SNRK: variants seen among roughly 807,000 people sequenced by gnomAD.
SNRK encodes SNF-related serine/threonine-protein kinase.
A neutral mutation model predicts 48.2 loss-of-function variants in SNRK; 3 were observed. The ratio of observed to expected loss-of-function variants is 0.06; its 90% CI spans 0.03 to 0.16. The LOEUF (loss-of-function observed/expected upper bound fraction) is 0.16, where lower values mean the gene tolerates loss of function less well. Ranked by LOEUF, SNRK falls within the 10% of genes least tolerant of loss-of-function variation. SNRK has a pLI of 1.00. For missense variants in SNRK, 627 were observed against 976.0 expected (o/e 0.64, Z 4.76); for synonymous variants, 376 against 366.1 (o/e 1.03, Z -0.31).
intron 1 of SNRK, among the ~76,000 whole-genome samples, chr3:43,289,313 G>A (rs1218890255): frequency 1.3e-5 from 2 of 152,174 alleles, no homozygotes; most frequent in Non-Finnish European, 2.9e-5. Context: ...ACAAGGTCAA[G>A]TGGTGGGTGG....
chr3:43,288,149 G>A (rs1268667018), intron 1 of SNRK, among the ~76,000 whole-genome samples: 5 of 152,184 alleles, frequency 3.3e-5, no homozygotes, highest in Non-Finnish European at 7.4e-5. Flanking sequence ...TTGAAGCAGT[G>A]TAGAAAGTCA....
chr3:43,336,195 TTTTC>T (rs1040226806), intron 4 of SNRK, among the ~76,000 whole-genome samples: 20 of 151,926 alleles, frequency 1.3e-4, no homozygotes, highest in African/African-American at 3.9e-4. Context: ...TTCTTTCTCT[TTTTC>T]TTTCTTTCTT....
chr3:43,335,467 T>G (rs1463355712), intron 4 of SNRK, among the ~76,000 whole-genome samples: 1 of 152,182 alleles, frequency 6.6e-6, no homozygotes, highest in Non-Finnish European at 1.5e-5. Context: ...GTTTTTGTTT[T>G]TTTGTTTTTT....
chr3:43,311,268 C>T (rs574725496), intron 3 of SNRK, among the ~76,000 whole-genome samples: 2 of 152,106 alleles, frequency 1.3e-5, no homozygotes, highest in South Asian at 4.1e-4. Context: ...CTCAGTTAAT[C>T]CTTCTAATGG....
Position 43,303,476 on chromosome 3 carries a change from T to A in SNRK, c.273T>A (p.Ile91=). Reference sequence around the variant, plus strand: ...ACACCCAGACCAAACTATATCTTATTCTAGAACTTGGGGATGGAGGAGATA... The same window carrying A: ...ACACCCAGACCAAACTATATCTTATACTAGAACTTGGGGATGGAGGAGATA... ...VIDTQTKLYL[I]LELGDGGDMF... The change falls in exon 3 of 7, where the codon ATT becomes ATA. Residue 91 remains isoleucine, a synonymous_variant. Coordinates refer to ENST00000296088, the MANE Select transcript of SNRK (RefSeq NM_017719.5). This position sits in a 1 kb window ranked among gnomAD's most constrained non-coding sequence, Gnocchi z 6.2. 1 of 1,614,156 alleles carries A rather than the reference T, an allele frequency of 6.2e-7. No individual in the cohort carries two copies. The highest frequency in any genetic ancestry group is 8.5e-7 in the Non-Finnish European group (1 of 1,180,026).
intron 3 of SNRK, among the ~76,000 whole-genome samples, chr3:43,325,703 T>G (rs1034577550): frequency 6.6e-6 from 1 of 152,188 alleles, no homozygotes; most frequent in Non-Finnish European, 1.5e-5. Flanking sequence ...GCCTAAAAAT[T>G]GCATTGCATT....
At chr3:43,304,893 T>TAA (rs1451627569) in intron 3 of SNRK, among the ~76,000 whole-genome samples, 4 of 152,104 alleles carry the variant, frequency 2.6e-5, no homozygotes, top group African/African-American at 9.7e-5. Context: ...TACAGATAAC[T>TAA]AGACTTCACT....
chr3:43,326,854 G>A (rs192412940), intron 3 of SNRK, among the ~76,000 whole-genome samples: 356 of 152,324 alleles, frequency 2.3e-3, no homozygotes, highest in Middle Eastern at 6.8e-3. Flanking sequence ...GTGTTTTAAA[G>A]TAGGTATCAG....
At chr3:43,291,080 C>T (rs557946530) in intron 1 of SNRK, among the ~76,000 whole-genome samples, 68 of 152,118 alleles carry the variant, frequency 4.5e-4, no homozygotes, top group African/African-American at 1.6e-3. Flanking sequence ...TAAGCTGGGC[C>T]CTAGAGCATG....
rs2090878502 is a variant in SNRK, at chr3:43,299,006, C to T, written c.-168-748C>T. Among the ~76,000 whole-genome samples, 3 of 152,122 alleles carry T rather than the reference C, an allele frequency of 2.0e-5. No homozygotes were observed. In the South Asian group the frequency reaches 6.2e-4, roughly 32 times the overall value. On this transcript the variant is annotated intron_variant, in intron 1 of 6. Coordinates refer to ENST00000296088, the MANE Select transcript of SNRK (RefSeq NM_017719.5). ...ATGAGCCTTTAGGGGCTCCTAGAGA[C>T]TGGGTGGTTTTGGTGCCAGGCTGAG... is the stretch of plus-strand genomic sequence containing the variant.
chr3:43,323,965 T>C (rs1222929730), intron 3 of SNRK, among the ~76,000 whole-genome samples: 1 of 152,134 alleles, frequency 6.6e-6, no homozygotes, highest in Non-Finnish European at 1.5e-5. Context: ...AAGGAAATTT[T>C]GGGGTAACAC....
At position 43,347,401 on chromosome 3, in the gene SNRK, C is replaced by G. The variant is rs369083124; in HGVS notation, c.1142C>G (p.Pro381Arg). 6.2e-7 allele frequency: 1 copy of G among 1,612,926 alleles called. No individual in the cohort carries two copies. ...CTTGAGGATGACCTCACGGCCACTC[C>G]TTTGTCCCACGCGACTGTCCCTCAG... ...QDLEDDLTAT[P>R]LSHATVPQSP... Residue 381 changes from proline (P) to arginine (R), a missense_variant, in exon 7 of 7, where the codon CCT becomes CGT. This residue lies in a region of SNRK where 175 missense variants were observed against 209.7 expected (regional missense o/e 0.83). Transcript: ENST00000296088. The surrounding 1 kb of genome is among the most constrained non-coding windows in gnomAD (Gnocchi z 5.4).
At position 43,340,349 on chromosome 3, in the gene SNRK, A is replaced by G; in HGVS notation, c.794A>G (p.Asn265Ser). The G allele has an allele frequency of 1.2e-6, 2 of 1,614,190 alleles. No homozygotes were observed. The highest frequency in any genetic ancestry group is 1.7e-6 in the Non-Finnish European group (2 of 1,180,028). Residue 265 changes from asparagine to serine, a missense_variant, in exon 5 of 7, where the codon AAT becomes AGT. By Grantham distance (46) the Asn-to-Ser change is conservative. Coordinates refer to ENST00000296088, the MANE Select transcript of SNRK (RefSeq NM_017719.5). ...AGGGCTTCTTTAGAAGAGATTGAAA[A>G]TCATCCTTGGCTTCAGGGAGTGGAC... ...KRRASLEEIENHPWLQGVDPS... is the reference protein window; with the variant it reads ...KRRASLEEIESHPWLQGVDPS...
At chr3:43,323,853 C>T (rs2091073841) in intron 3 of SNRK, among the ~76,000 whole-genome samples, 1 of 152,154 alleles carries the variant, frequency 6.6e-6, no homozygotes, top group African/African-American at 2.4e-5. Flanking sequence ...ACAGAGACTA[C>T]GTACTCTGTG....
intron 6 of SNRK, among the ~76,000 whole-genome samples, chr3:43,344,730 A>T (rs1427267116): frequency 6.6e-6 from 1 of 152,108 alleles, no homozygotes; most frequent in Non-Finnish European, 1.5e-5. Context: ...GGAGTGAGGA[A>T]ATTCTTGGGG....
In SNRK at chr3:43,343,441, A is replaced by C. The variant is rs199515297; in HGVS notation, c.1042A>C (p.Arg348=). ...REKQEKEIQT[R]SASPSNIKAQ... The stretch of plus-strand genomic sequence containing the variant: ...AAAGCAAGAGAAAGAAATACAGACC[A>C]GATCTGCAAGCCCGAGCAATATCAA... The change falls in exon 6 of 7, where the codon AGA becomes CGA. Residue 348 remains arginine, a synonymous_variant. Transcript: ENST00000296088. The C allele has an allele frequency of 1.2e-4, 200 of 1,614,032 alleles. No homozygotes were observed. The highest frequency in any genetic ancestry group is 1.6e-4 in the Non-Finnish European group (194 of 1,180,018).
chr3:43,295,618 ACT>A (rs2090846515), intron 1 of SNRK, among the ~76,000 whole-genome samples: 1 of 151,162 alleles, frequency 6.6e-6, no homozygotes, highest in South Asian at 2.1e-4. Flanking sequence ...CCAGTGAAAA[ACT>A]CTGAATTCTT....
chr3:43,333,805 C>A (rs978092341), intron 4 of SNRK, among the ~76,000 whole-genome samples: 1 of 151,992 alleles, frequency 6.6e-6, no homozygotes, highest in African/African-American at 2.4e-5. Context: ...AGAACAGTTC[C>A]TAGTATCTTA....
intron 1 of SNRK, among the ~76,000 whole-genome samples, chr3:43,288,093 A>G (rs1387260410): frequency 1.3e-5 from 2 of 152,232 alleles, no homozygotes; most frequent in Admixed American, 1.3e-4. Flanking sequence ...CCCATTTTAC[A>G]GAACTAGAAA....
Sources: gnomAD v4.1 joint callset for allele counts (sites outside exome capture counted in the v4.1 genomes callset) on GRCh38, gnomAD v4.1.1 for gene constraint, gnomAD v4.1.1 regional missense constraint, Gnocchi (gnomAD v3.1) non-coding constraint, MANE v1.5 for transcripts, NCBI Gene and HGNC (gene_info 2026-07-23, HGNC 2026-07-21) for gene names.